Variants in NSMCE2 observed in about 807,000 individuals in gnomAD.
The protein encoded by NSMCE2 is E3 SUMO-protein ligase NSE2.
In NSMCE2, 24 loss-of-function variants were observed where a neutral mutation model predicts 23.8. The observed-to-expected ratio is 1.01, with a 90% CI of 0.73 to 1.42. NSMCE2 has a LOEUF of 1.42. Ranked by LOEUF, NSMCE2 falls within the 40% of genes most tolerant of loss-of-function variation. NSMCE2 has a pLI of 0.00. For synonymous variants in NSMCE2, 92 were observed against 94.1 expected, an observed-to-expected ratio of 0.98 and a Z score of 0.13; for missense variants, 284 against 296.5, an observed-to-expected ratio of 0.96 and a Z score of 0.31.
intron 5 of NSMCE2, among the ~76,000 whole-genome samples, chr8:125,215,042 TTTATTA>T (rs56253114): frequency 0.029 from 4,421 of 150,012 alleles, 216 homozygotes; most frequent in African/African-American, 0.1. Flanking sequence ...TTTTATTTTA[TTTATTA>T]TTATTATTAT....
intron 3 of NSMCE2, among the ~76,000 whole-genome samples, chr8:125,146,746 T>G (rs1820696678): frequency 6.6e-6 from 1 of 151,922 alleles, no homozygotes; most frequent in Admixed American, 6.6e-5. Flanking sequence ...GGGCCTGTTG[T>G]GAGGTGGGGA....
chr8:125,211,918 C>T (rs73704556), intron 5 of NSMCE2, among the ~76,000 whole-genome samples: 14,370 of 152,206 alleles, frequency 0.094, 868 homozygotes, highest in South Asian at 0.18. Flanking sequence ...TCCTTAACTT[C>T]CAGGAGAGTT....
At chr8:125,353,855 C>T (rs1813138701) in intron 5 of NSMCE2, among the ~76,000 whole-genome samples, 2 of 151,092 alleles carry the variant, frequency 1.3e-5, no homozygotes, top group African/African-American at 4.9e-5. Context: ...TGCACTCCAG[C>T]CTGGGCGACA....
chr8:125,288,605 T>G (rs1586723785), intron 5 of NSMCE2, among the ~76,000 whole-genome samples: 1 of 152,162 alleles, frequency 6.6e-6, no homozygotes, highest in East Asian at 1.9e-4. Flanking sequence ...TATCTGAAAC[T>G]CTTCTCTCAC....
intron 7 of NSMCE2, among the ~76,000 whole-genome samples, chr8:125,365,715 G>T (rs1163202006): frequency 6.6e-6 from 1 of 152,058 alleles, no homozygotes; most frequent in Non-Finnish European, 1.5e-5. Flanking sequence ...AAATTAGCCA[G>T]GCATGGTGGC....
intron 5 of NSMCE2, among the ~76,000 whole-genome samples, chr8:125,316,815 G>T (rs1829228240): frequency 7.3e-6 from 1 of 137,546 alleles, no homozygotes; most frequent in African/African-American, 2.8e-5. Flanking sequence ...CTCTTGCTCT[G>T]TTGCCAGGCT....
At chr8:125,255,111 C>T (rs1443899816) in intron 5 of NSMCE2, among the ~76,000 whole-genome samples, 2 of 151,982 alleles carry the variant, frequency 1.3e-5, no homozygotes, top group African/African-American at 2.4e-5. Context: ...GTGATGAAGC[C>T]TAAAGACCCA....
intron 5 of NSMCE2, among the ~76,000 whole-genome samples, chr8:125,279,172 G>A (rs1193879691): frequency 1.3e-4 from 20 of 152,094 alleles, no homozygotes; most frequent in Admixed American, 1.0e-3. Flanking sequence ...AAGCTATGTC[G>A]GATAAATATT....
At chr8:125,359,266 C>CA (rs35823474) in intron 7 of NSMCE2, among the ~76,000 whole-genome samples, 4,117 of 95,238 alleles carry the variant, frequency 0.043, 100 homozygotes, top group Non-Finnish European at 0.071. Flanking sequence ...ACTCTGTCTC[C>CA]AAAAAAAAAA....
intron 5 of NSMCE2, among the ~76,000 whole-genome samples, chr8:125,297,065 C>T (rs927453665): frequency 1.5e-4 from 23 of 152,174 alleles, no homozygotes; most frequent in African/African-American, 5.1e-4. Context: ...GTTACAATCA[C>T]TTCACTGGGC....
intron 3 of NSMCE2, among the ~76,000 whole-genome samples, chr8:125,126,684 T>C (rs1424055556): frequency 6.6e-6 from 1 of 152,202 alleles, no homozygotes; most frequent in Non-Finnish European, 1.5e-5. Context: ...GAAACAATTT[T>C]GGAATCAGGT....
chr8:125,285,798 G>T (rs1005516931), intron 5 of NSMCE2, among the ~76,000 whole-genome samples: 1 of 151,558 alleles, frequency 6.6e-6, no homozygotes, highest in Non-Finnish European at 1.5e-5. Flanking sequence ...ACACACAGTT[G>T]TATTTAATCG....
At chr8:125,214,841 AACTT>A (rs1824504991) in intron 5 of NSMCE2, among the ~76,000 whole-genome samples, 1 of 152,032 alleles carries the variant, frequency 6.6e-6, no homozygotes, top group Non-Finnish European at 1.5e-5. Context: ...TATTACATAA[AACTT>A]ACTATTTTGA....
At chr8:125,275,797 G>T (rs148421189) in intron 5 of NSMCE2, among the ~76,000 whole-genome samples, 4 of 152,226 alleles carry the variant, frequency 2.6e-5, no homozygotes, top group African/African-American at 9.6e-5. Context: ...AGAGGCTAAG[G>T]TTCAGAATGA....
chr8:125,130,205 C>T (rs757218934), intron 3 of NSMCE2: 13 of 454,930 alleles, frequency 2.9e-5, no homozygotes, highest in Admixed American at 9.4e-5. Flanking sequence ...ATTAGATTTG[C>T]GTTACAGGTT....
chr8:125,282,306 G>A (rs1260452180), intron 5 of NSMCE2, among the ~76,000 whole-genome samples: 3 of 151,908 alleles, frequency 2.0e-5, no homozygotes, highest in African/African-American at 7.3e-5. Flanking sequence ...TAGAGCCGGG[G>A]TTTCACCATG....
Position 125,150,426 on chromosome 8 carries a change from C to CTTTTTTTTTTTTTTTTTTTTTTTTTTTTT in NSMCE2, c.158-720_158-719insTTTTTTTTTTTTTTTTTTTTTTTTTTTTT, listed in dbSNP as rs71295819. 5.3e-4 allele frequency among the ~76,000 whole-genome samples: 33 copies of CTTTTTTTTTTTTTTTTTTTTTTTTTTTTT among 61,874 alleles called. 2 individuals are homozygous for CTTTTTTTTTTTTTTTTTTTTTTTTTTTTT. Among genetic ancestry groups the CTTTTTTTTTTTTTTTTTTTTTTTTTTTTT allele is most frequent in the African/African-American group, 7.4e-4 (10 of 13,580 alleles). The allele number at this position is 61,874 out of a possible 152,430, so 40.6% of individuals were successfully genotyped here. A position where few individuals can be genotyped will look rare whatever the true frequency, so the allele number is the denominator to read the frequency against. The stretch of plus-strand genomic sequence containing the variant: ...TTTTCTTTTTTTCTTTTCTTTCTTT[C>CTTTTTTTTTTTTTTTTTTTTTTTTTTTTT]TTTTTTTTTTTTTTTTTTTTTTTTT... On this transcript the variant is annotated intron_variant, in intron 3 of 7. Transcript: ENST00000287437.
intron 5 of NSMCE2, among the ~76,000 whole-genome samples, chr8:125,273,864 G>A (rs960835230): frequency 1.3e-5 from 2 of 152,138 alleles, no homozygotes; most frequent in African/African-American, 4.8e-5. Context: ...AGAGTCCCAG[G>A]ATCACACAAG....
chr8:125,107,024 A>G (rs1048964332), intron 3 of NSMCE2, among the ~76,000 whole-genome samples: 8 of 151,800 alleles, frequency 5.3e-5, no homozygotes, highest in African/African-American at 1.5e-4. Flanking sequence ...AAAAACTTTC[A>G]TTTTACCATT....
Sources: gnomAD v4.1 joint callset for allele counts (sites outside exome capture counted in the v4.1 genomes callset) on GRCh38, gnomAD v4.1.1 for gene constraint, MANE v1.5 for transcripts, NCBI Gene and HGNC (gene_info 2026-07-23, HGNC 2026-07-21) for gene names.